ITGAE: variants seen among roughly 807,000 people sequenced by gnomAD.
The protein encoded by ITGAE is integrin alpha-E.
Under a neutral mutation model 136.5 loss-of-function variants are expected in ITGAE, and 99 were observed. That is an observed-to-expected ratio of 0.73 (90% CI 0.62 to 0.86). ITGAE has a LOEUF of 0.86. ITGAE is among the 40% of genes least tolerant of loss of function. ITGAE has a pLI of 0.00. For synonymous variants in ITGAE, 613 were observed against 591.8 expected (o/e 1.04, Z -0.52); for missense variants, 1,447 against 1,515.3 (o/e 0.95, Z 0.75).
At chr17:3,782,031 T>C (rs1160050605) in intron 1 of ITGAE, among the ~76,000 whole-genome samples, 1 of 151,704 alleles carries the variant, frequency 6.6e-6, no homozygotes, top group Admixed American at 6.6e-5. Flanking sequence ...ATCCCAACAT[T>C]TTGGGAGGCT....
chr17:3,774,143 G>C (rs74852861), intron 2 of ITGAE, among the ~76,000 whole-genome samples: 13,287 of 151,894 alleles, frequency 0.087, 622 homozygotes, highest in East Asian at 0.17. Flanking sequence ...GCCCTGCCCA[G>C]CCAGGAACCC....
chr17:3,724,555 T>C (rs2051160178), intron 26 of ITGAE: 2 of 1,613,944 alleles, frequency 1.2e-6, no homozygotes, highest in East Asian at 4.5e-5. Flanking sequence ...GGCCTCCACC[T>C]CCCAGAAGTC....
At position 3,720,538 on chromosome 17, in the gene ITGAE, A is replaced by G; in HGVS notation, c.3238-136T>C. ...TAATGGCCCTAACGTACACAACACT[A>G]CATAAAGTTACCCAAACAAGACATC... On this transcript the variant is annotated intron_variant, in intron 28 of 30. Coordinates refer to ENST00000263087, the MANE Select transcript of ITGAE (RefSeq NM_002208.5). 3 of 531,522 alleles carry G rather than the reference A, an allele frequency of 5.6e-6. No individual in the cohort carries two copies. The South Asian group carries it at 7.4e-5, about 13-fold the overall frequency. 32.9% of individuals were successfully genotyped at this position (531,522 alleles called of 1,614,324 possible).
chr17:3,792,546 C>T (rs1013679248), intron 1 of ITGAE, among the ~76,000 whole-genome samples: 6 of 152,114 alleles, frequency 3.9e-5, no homozygotes, highest in East Asian at 1.9e-4. Context: ...CAAAAAAGAA[C>T]AGAAGGAAAA....
At chr17:3,761,255 CCT>C in intron 5 of ITGAE, 78 bp from the exon 6 acceptor site, 3 of 1,561,510 alleles carry the variant, frequency 1.9e-6, no homozygotes, top group Non-Finnish European at 2.6e-6. Context: ...ATGGTTCTGC[CCT>C]GATTCCTTTC....
chr17:3,782,292 A>C (rs1351714694), intron 1 of ITGAE, among the ~76,000 whole-genome samples: 1 of 148,856 alleles, frequency 6.7e-6, no homozygotes, highest in South Asian at 2.1e-4. Context: ...AAAAAAAAAA[A>C]AAAAAAAAAG....
At chr17:3,762,698 C>T (rs376016787) in intron 3 of ITGAE, among the ~76,000 whole-genome samples, 1 of 148,294 alleles carries the variant, frequency 6.7e-6, no homozygotes, top group East Asian at 2.0e-4. Flanking sequence ...CCCAGGTTCA[C>T]GCCATTCTCC....
intron 1 of ITGAE, among the ~76,000 whole-genome samples, chr17:3,787,637 G>A (rs1182539234): frequency 6.6e-6 from 1 of 151,742 alleles, no homozygotes; most frequent in Non-Finnish European, 1.5e-5. Flanking sequence ...TGGAACTTCT[G>A]GATCCTGTTA....
chr17:3,750,665 A>C (rs1178563), intron 15 of ITGAE, among the ~76,000 whole-genome samples, 183 bp from the exon 16 acceptor site: 1 of 151,816 alleles, frequency 6.6e-6, no homozygotes, highest in Non-Finnish European at 1.5e-5. Context: ...TGGAGCCTCG[A>C]AGGGCAGGTG....
chr17:3,726,529 T>C, intron 26 of ITGAE: 2 of 580,258 alleles, frequency 3.4e-6, no homozygotes, highest in Non-Finnish European at 6.2e-6. Context: ...TAACAAATGT[T>C]CTGAAAGAAG....
At position 3,801,128 on chromosome 17, in the gene ITGAE, G is replaced by C. The variant is rs1468551441; in HGVS notation, c.17C>G (p.Thr6Ser). 6.2e-7 allele frequency: 1 copy of C among 1,612,318 alleles called. No homozygotes were observed. Residue 6 changes from threonine (T) to serine (S), a missense_variant, in exon 1 of 31, where the codon ACT becomes AGT. By Grantham distance (58) the Thr-to-Ser change is moderately conservative. Transcript: ENST00000263087. MWLFH[T>S]LLCIASLALL... is the part of the protein sequence containing the mutation. Reference sequence around the variant, plus strand: ...GGACTTACTGGCTATGCAGAGCAGAGTGTGGAAGAGCCACATCCTTGCTGG... The same window carrying C: ...GGACTTACTGGCTATGCAGAGCAGACTGTGGAAGAGCCACATCCTTGCTGG...
intron 1 of ITGAE, among the ~76,000 whole-genome samples, chr17:3,795,738 G>A (rs1011302558): frequency 2.6e-5 from 4 of 152,234 alleles, no homozygotes; most frequent in Non-Finnish European, 4.4e-5. Flanking sequence ...GCAAGAGCCT[G>A]CCGCAGAGGC....
At chr17:3,783,364 C>T (rs1190612769) in intron 1 of ITGAE, among the ~76,000 whole-genome samples, 1 of 152,114 alleles carries the variant, frequency 6.6e-6, no homozygotes, top group Non-Finnish European at 1.5e-5. Flanking sequence ...TGGTCTCATA[C>T]TCGTCCTGAC....
chr17:3,722,868 C>A (rs569582425), intron 28 of ITGAE, among the ~76,000 whole-genome samples: 24 of 152,180 alleles, frequency 1.6e-4, no homozygotes, highest in African/African-American at 4.6e-4. Context: ...ATAGCTGTTA[C>A]GTGGGAATTA....
At chr17:3,793,973 C>CTTT (rs5818917) in intron 1 of ITGAE, among the ~76,000 whole-genome samples, 7 of 81,184 alleles carry the variant, frequency 8.6e-5, no homozygotes, top group Admixed American at 1.5e-4. Flanking sequence ...CCTCTTCATC[C>CTTT]TTTTTTTTTT....
intron 26 of ITGAE, chr17:3,724,637 C>T: frequency 1.2e-6 from 2 of 1,614,158 alleles, no homozygotes; most frequent in Non-Finnish European, 1.7e-6. Flanking sequence ...CCAGGATGGT[C>T]CACCAAACCC....
At chr17:3,732,979 T>C (rs1435820937) in intron 21 of ITGAE, among the ~76,000 whole-genome samples, 4 of 152,030 alleles carry the variant, frequency 2.6e-5, no homozygotes, top group African/African-American at 7.2e-5. Context: ...GAGATTGTTT[T>C]TTGCTTTTGT....
intron 1 of ITGAE, among the ~76,000 whole-genome samples, chr17:3,796,125 GTGTGCATCCA>G (rs1168221942): frequency 5.9e-5 from 8 of 135,964 alleles, no homozygotes; most frequent in African/African-American, 1.7e-4. Context: ...GCATCCCTGT[GTGTGCATCCA>G]TGTGTGTGCA....
intron 15 of ITGAE, 49 bp downstream of exon 15, chr17:3,751,601 G>C (rs75507464): frequency 6.5e-7 from 1 of 1,541,780 alleles, no homozygotes; most frequent in Non-Finnish European, 9.0e-7. Context: ...TCATATCTGA[G>C]AGAGGTCAGA....
Sources: allele counts gnomAD v4.1 joint callset (sites outside exome capture counted in the v4.1 genomes callset), GRCh38; gene constraint gnomAD v4.1.1; transcripts MANE v1.5; gene names NCBI Gene and HGNC (gene_info 2026-07-23, HGNC 2026-07-21).